Variants in GLDN observed in about 807,000 individuals in gnomAD.
GLDN encodes collomin.
Under a neutral mutation model 56.5 loss-of-function variants are expected in GLDN, and 47 were observed. The observed-to-expected ratio is 0.83, with a 90% CI of 0.66 to 1.06. GLDN has a LOEUF of 1.06. Among genes scored for constraint, GLDN ranks in the 50% least tolerant of loss-of-function variants. The pLI is 0.00. For synonymous variants in GLDN, 332 were observed against 278.8 expected, an observed-to-expected ratio of 1.19 and a Z score of -1.90; for missense variants, 782 against 714.3, an observed-to-expected ratio of 1.09 and a Z score of -1.08.
chr15:51,366,169 G>A (rs568866475), intron 1 of GLDN, among the ~76,000 whole-genome samples: 93 of 152,268 alleles, frequency 6.1e-4, no homozygotes, highest in Middle Eastern at 3.4e-3. Flanking sequence ...GTTTCTGACC[G>A]GGGAGAAGAA....
intron 1 of GLDN, among the ~76,000 whole-genome samples, chr15:51,349,448 A>G (rs2037036078): frequency 6.6e-6 from 1 of 152,248 alleles, no homozygotes. Flanking sequence ...AATGGCTTTT[A>G]CATTTATAAA....
chr15:51,344,735 GA>G (rs2036947646), intron 1 of GLDN, among the ~76,000 whole-genome samples: 1 of 152,136 alleles, frequency 6.6e-6, no homozygotes, highest in Non-Finnish European at 1.5e-5. Context: ...AAGCCTTCCA[GA>G]ATGGTTCATT....
Position 51,364,965 on chromosome 15 carries a change from C to T in GLDN, c.364-12484C>T, listed in dbSNP as rs371887854. Among the ~76,000 whole-genome samples the T allele has an allele frequency of 2.6e-5, 4 of 152,344 alleles. No individual in the cohort carries two copies. The East Asian group carries it at 7.7e-4, about 29-fold the overall frequency. On this transcript the variant is annotated intron_variant, in intron 1 of 9. Coordinates refer to ENST00000335449, the MANE Select transcript of GLDN (RefSeq NM_181789.4). ...CTAACCTCATGCCAAAAATGTCCTACTGTTTATTTAGCAGTCAAATAAGAA... is the reference window on the plus strand; with the variant it reads ...CTAACCTCATGCCAAAAATGTCCTATTGTTTATTTAGCAGTCAAATAAGAA...
intron 1 of GLDN, among the ~76,000 whole-genome samples, chr15:51,353,676 C>A (rs2037117246): frequency 7.2e-6 from 1 of 139,448 alleles, no homozygotes. Flanking sequence ...GATATTGTTG[C>A]CAATGTGGGA....
chr15:51,397,529 C>A lies in GLDN; in HGVS notation c.748C>A (p.Pro250Thr), dbSNP rs1159711178. ...PPGPPGPPGPPGPPGSRRAKG... is the reference protein window; with the variant it reads ...PPGPPGPPGPTGPPGSRRAKG... ...TGGGCCCCCAGGCCCTCCAGGTCCT[C>A]CAGGGCCCCCTGGAAGCAGAAGAGC... Residue 250 changes from proline to threonine, a missense_variant, in exon 6 of 10, where the codon CCA (proline) becomes ACA (threonine). Physicochemically the swap from Pro to Thr is conservative, Grantham distance 38 (BLOSUM62 -1). Coordinates refer to ENST00000335449, the MANE Select transcript of GLDN (RefSeq NM_181789.4). 2 of 1,602,386 alleles carry A rather than the reference C, an allele frequency of 1.2e-6. No individual in the cohort carries two copies. Among genetic ancestry groups the A allele is most frequent in the Admixed American group, 1.7e-5 (1 of 59,282 alleles).
At chr15:51,384,961 T>C (rs2037857600) in intron 4 of GLDN, 1 of 152,124 alleles carries the variant, frequency 6.6e-6, no homozygotes, top group Admixed American at 6.5e-5. Flanking sequence ...GCAATTGAAG[T>C]AAGGGCCAGT....
downstream of GLDN, among the ~76,000 whole-genome samples, chr15:51,409,179 T>C (rs1214229458): frequency 6.6e-6 from 1 of 151,180 alleles, no homozygotes; most frequent in African/African-American, 2.4e-5. Context: ...CAGGTAACGC[T>C]GTCACAACGC....
chr15:51,403,525 T>C (rs1167731423), intron 9 of GLDN, among the ~76,000 whole-genome samples: 1 of 152,246 alleles, frequency 6.6e-6, no homozygotes, highest in Non-Finnish European at 1.5e-5. Flanking sequence ...ACGTACCTTT[T>C]GAATTATAAT....
intron 1 of GLDN, among the ~76,000 whole-genome samples, chr15:51,354,654 C>T (rs2037140389): frequency 1.3e-5 from 2 of 152,174 alleles, no homozygotes; most frequent in South Asian, 4.1e-4. Flanking sequence ...AACAAGAAGC[C>T]AGACAGGCCT....
In GLDN at chr15:51,404,460, G is replaced by A; in HGVS notation, c.1362G>A (p.Glu454=). Residue 454 remains glutamate, a synonymous_variant, in exon 10 of 10, where the codon GAG becomes GAA. Coordinates refer to ENST00000335449, the MANE Select transcript of GLDN (RefSeq NM_181789.4). ...GCATTCTTGTAGCACAACTGGATGA[G>A]AGGACATTCTCAGTGGTGCAACACG... The part of the protein sequence containing the change: ...GSSILVAQLD[E]RTFSVVQHVN... 7 of 1,614,166 alleles carry A rather than the reference G, an allele frequency of 4.3e-6. No homozygotes were observed. Among genetic ancestry groups the A allele is most frequent in the Non-Finnish European group, 5.9e-6 (7 of 1,180,028 alleles).
At chr15:51,389,270 C>T (rs565344086) in intron 4 of GLDN, among the ~76,000 whole-genome samples, 1 of 152,314 alleles carries the variant, frequency 6.6e-6, no homozygotes, top group East Asian at 1.9e-4. Flanking sequence ...CATGACATCT[C>T]TTAGCTAGGG....
rs967133438 is a variant in GLDN at position 51,383,740 on chromosome 15, T to A, written c.434-45T>A. The A allele has an allele frequency of 2.1e-6, 3 of 1,408,414 alleles. No homozygotes were observed. In the African/African-American group the frequency reaches 4.4e-5, roughly 20 times the overall value. The allele number at this position is 1,408,414 out of a possible 1,614,324, so 87.2% of individuals were successfully genotyped here. On this transcript the variant is annotated intron_variant, in intron 3 of 9. Coordinates refer to ENST00000335449, the MANE Select transcript of GLDN (RefSeq NM_181789.4). Reference sequence around the variant, plus strand: ...GACAGTAACTTCAGTGAATAATTTTTTTTTTTTTTTTGGTTAATGTCCCTG... The same window carrying A: ...GACAGTAACTTCAGTGAATAATTTTATTTTTTTTTTTGGTTAATGTCCCTG...
chr15:51,348,526 ATC>A (rs886164994), intron 1 of GLDN, among the ~76,000 whole-genome samples: 2 of 151,776 alleles, frequency 1.3e-5, no homozygotes, highest in African/African-American at 4.8e-5. Flanking sequence ...TTTAGTAGAA[ATC>A]TCACTATCTT....
Position 51,406,327 on chromosome 15 carries a change from C to T in GLDN, c.*1573C>T, listed in dbSNP as rs1277184958. The stretch of plus-strand genomic sequence containing the variant: ...GCTGCGGCCCCGGGAAGGGCCACTG[C>T]GAATAGAGAGGAAGCTGGAAAAGTT... On this transcript the variant is annotated 3_prime_UTR_variant, in exon 10 of 10. Transcript: ENST00000335449. 1.3e-5 allele frequency: 2 copies of T among 152,098 alleles called. No individual in the cohort carries two copies. The highest frequency in any genetic ancestry group is 4.8e-5 in the African/African-American group (2 of 41,386). 9.4% of individuals were successfully genotyped at this position (152,098 alleles called of 1,614,324 possible).
intron 1 of GLDN, among the ~76,000 whole-genome samples, chr15:51,348,765 C>A (rs1374154075): frequency 6.6e-6 from 1 of 152,118 alleles, no homozygotes; most frequent in Non-Finnish European, 1.5e-5. Flanking sequence ...GTTGGCCAAA[C>A]AACACTCACA....
downstream of GLDN, among the ~76,000 whole-genome samples, chr15:51,411,133 G>A (rs539765873): frequency 2.6e-4 from 39 of 152,304 alleles, no homozygotes; most frequent in Admixed American, 5.2e-4. Flanking sequence ...AAGCTTGATT[G>A]GCCCACTGAA....
Position 51,404,437 on chromosome 15 carries a change from A to T in GLDN, c.1339A>T (p.Ile447Phe), listed in dbSNP as rs746170404. Reference protein sequence around the residue: ...IYASSVDGSSILVAQLDERTF... With the variant: ...IYASSVDGSSFLVAQLDERTF... ...TGCGTCAAGTGTGGACGGCTCGAGC[A>T]TTCTTGTAGCACAACTGGATGAGAG... The change falls in exon 10 of 10, where the codon ATT becomes TTT. Residue 447 changes from isoleucine (I) to phenylalanine (F), a missense_variant. Ile to Phe is a conservative substitution (Grantham distance 21). Coordinates refer to ENST00000335449, the MANE Select transcript of GLDN (RefSeq NM_181789.4). 1 of 1,614,188 alleles carries T rather than the reference A, an allele frequency of 6.2e-7. No individual in the cohort carries two copies. The highest frequency in any genetic ancestry group is 1.7e-5 in the Admixed American group (1 of 60,016).
At chr15:51,359,830 T>C (rs1203308798) in intron 1 of GLDN, among the ~76,000 whole-genome samples, 3 of 151,468 alleles carry the variant, frequency 2.0e-5, no homozygotes, top group Non-Finnish European at 4.4e-5. Flanking sequence ...CAAAAAAAAA[T>C]TAGCCAGGCA....
At chr15:51,366,974 A>T (rs1227034015) in intron 1 of GLDN, among the ~76,000 whole-genome samples, 1 of 152,256 alleles carries the variant, frequency 6.6e-6, no homozygotes, top group Non-Finnish European at 1.5e-5. Context: ...AACAGTACAA[A>T]CATGCAAAGA....
Sources: gnomAD v4.1 joint callset for allele counts (sites outside exome capture counted in the v4.1 genomes callset) on GRCh38, gnomAD v4.1.1 for gene constraint, MANE v1.5 for transcripts, NCBI Gene and HGNC (gene_info 2026-07-23, HGNC 2026-07-21) for gene names.